CCDC63: variants seen among roughly 807,000 people sequenced by gnomAD.
CCDC63 encodes the protein coiled-coil domain containing 63.
Under a neutral mutation model 63.6 loss-of-function variants are expected in CCDC63, and 54 were observed. That is an observed-to-expected ratio of 0.85 (90% confidence interval 0.68 to 1.07). The LOEUF is 1.07. Among genes scored for constraint, CCDC63 ranks in the 50% least tolerant of loss-of-function variants. The pLI is 0.00. For synonymous variants in CCDC63, 253 were observed against 266.1 expected, an observed-to-expected ratio of 0.95 and a Z score of 0.48; for missense variants, 637 against 689.6, an observed-to-expected ratio of 0.92 and a Z score of 0.86.
At chr12:110,891,651 AAAAAG>A (rs1195067511) in intron 8 of CCDC63, among the ~76,000 whole-genome samples, 27 of 151,312 alleles carry the variant, frequency 1.8e-4, no homozygotes, top group Non-Finnish European at 3.2e-4. Context: ...AAAAAAAAAA[AAAAAG>A]AAGAAGAAGA....
intron 9 of CCDC63, among the ~76,000 whole-genome samples, chr12:110,897,459 G>A (rs541552758): frequency 2.5e-4 from 38 of 151,448 alleles, no homozygotes; most frequent in African/African-American, 8.7e-4. Flanking sequence ...TTAGCTGGGT[G>A]TGGTGTTGCA....
intron 8 of CCDC63, among the ~76,000 whole-genome samples, chr12:110,885,502 A>G (rs1157371859): frequency 1.3e-5 from 2 of 152,104 alleles, no homozygotes; most frequent in African/African-American, 2.4e-5. Flanking sequence ...CCCCTTCAAA[A>G]TTTGGCTTCT....
chr12:110,898,823 C>A, intron 9 of CCDC63, 110 bp from the exon 10 acceptor site: 1 of 657,908 alleles, frequency 1.5e-6, no homozygotes, highest in East Asian at 2.8e-5. Flanking sequence ...TCTCGTGTCC[C>A]CTCAGAGGTT....
chr12:110,900,749 G>T (rs372857010), intron 10 of CCDC63, among the ~76,000 whole-genome samples: 2 of 152,026 alleles, frequency 1.3e-5, no homozygotes, highest in African/African-American at 4.8e-5. Flanking sequence ...ATAGGCACAC[G>T]CCACCACGCC....
At chr12:110,875,967 A>G (rs1379620006) in intron 5 of CCDC63, among the ~76,000 whole-genome samples, 1 of 152,090 alleles carries the variant, frequency 6.6e-6, no homozygotes, top group East Asian at 1.9e-4. Flanking sequence ...TTAGCCAGGC[A>G]TGGTGATGCA....
intron 4 of CCDC63, among the ~76,000 whole-genome samples, 176 bp downstream of exon 4, chr12:110,858,951 C>T (rs2070815558): frequency 6.6e-6 from 1 of 152,134 alleles, no homozygotes; most frequent in Non-Finnish European, 1.5e-5. Context: ...CCTCTGGGCT[C>T]CAGTATCCAG....
chr12:110,873,752 A>C, intron 4 of CCDC63, 90 bp from the exon 5 acceptor site: 1 of 1,516,220 alleles, frequency 6.6e-7, no homozygotes, highest in Non-Finnish European at 8.9e-7. Context: ...TACAGATGCT[A>C]TCTGAGCACA....
At position 110,870,422 on chromosome 12, in the gene CCDC63, T is replaced by C. The variant is rs1450727214; in HGVS notation, c.370-3420T>C. 3.3e-5 allele frequency among the ~76,000 whole-genome samples: 5 copies of C among 152,216 alleles called. No homozygotes were observed. In the East Asian group the frequency reaches 9.6e-4, roughly 29 times the overall value. On this transcript the variant is annotated intron_variant, in intron 4 of 11. Transcript: ENST00000308208. ...ACTAGTGTTTTCCATTCATGTCCTT[T>C]TACTGTCCCAGGATCTAATCCAGGG...
At chr12:110,867,394 G>A (rs1201138552) in intron 4 of CCDC63, among the ~76,000 whole-genome samples, 5 of 124,316 alleles carry the variant, frequency 4.0e-5, no homozygotes, top group South Asian at 2.7e-4. Context: ...CTGGCCGGGC[G>A]GGGGGCTGAC....
upstream of CCDC63, among the ~76,000 whole-genome samples, chr12:110,845,065 A>C (rs576894908): frequency 6.6e-6 from 1 of 152,182 alleles, no homozygotes; most frequent in Non-Finnish European, 1.5e-5. Context: ...GATAAAGCAG[A>C]AGGTCCCTTT....
At chr12:110,877,882 T>G (rs2071151764) in intron 5 of CCDC63, among the ~76,000 whole-genome samples, 1 of 151,822 alleles carries the variant, frequency 6.6e-6, no homozygotes, top group South Asian at 2.1e-4. Flanking sequence ...AATTTTTGTA[T>G]TTTTAGTAGA....
intron 10 of CCDC63, among the ~76,000 whole-genome samples, chr12:110,899,740 A>G (rs1409978193): frequency 6.7e-6 from 1 of 150,374 alleles, no homozygotes; most frequent in East Asian, 1.9e-4. Flanking sequence ...ACCTCATAAG[A>G]CTGTTGGGAG....
In CCDC63 at chr12:110,873,927, A is replaced by G; in HGVS notation, c.455A>G (p.Lys152Arg). 6.2e-7 allele frequency: 1 copy of G among 1,612,802 alleles called. No homozygotes were observed. The highest frequency in any genetic ancestry group is 8.5e-7 in the Non-Finnish European group (1 of 1,179,696). ...GCCAATAACCCCCGGAAACTGCAGA[A>G]ACAGATTCACATTTTGGAAACCCGT... ...QEANNPRKLQ[K>R]QIHILETRLN... Residue 152 changes from lysine to arginine, a missense_variant, in exon 5 of 12, where the codon AAA becomes AGA. Coordinates refer to ENST00000308208, the MANE Select transcript of CCDC63 (RefSeq NM_152591.3).
At chr12:110,867,764 T>C (rs1312580888) in intron 4 of CCDC63, among the ~76,000 whole-genome samples, 88 of 83,132 alleles carry the variant, frequency 1.1e-3, no homozygotes, top group Middle Eastern at 6.2e-3. Context: ...GACCCCCCCA[T>C]CTCCCTCCCG....
intron 4 of CCDC63, among the ~76,000 whole-genome samples, chr12:110,870,959 G>T (rs1224140371): frequency 1.3e-5 from 2 of 152,120 alleles, no homozygotes; most frequent in African/African-American, 2.4e-5. Context: ...GTGATGGGAA[G>T]AAGTCACCTC....
chr12:110,849,433 A>G (rs1199599161), intron 1 of CCDC63, among the ~76,000 whole-genome samples: 19 of 151,384 alleles, frequency 1.3e-4, no homozygotes, highest in Admixed American at 1.2e-3. Context: ...CTGAACCATC[A>G]TGCATGCCTT....
chr12:110,880,830 A>T (rs2071195582), intron 6 of CCDC63, among the ~76,000 whole-genome samples: 1 of 83,928 alleles, frequency 1.2e-5, no homozygotes, highest in Admixed American at 1.3e-4. Flanking sequence ...AGTGATGGTG[A>T]TAATGGTGAT....
At chr12:110,866,967 CCCGGACGGGGCGG>C (rs2070960897) in intron 4 of CCDC63, among the ~76,000 whole-genome samples, 1 of 144,128 alleles carries the variant, frequency 6.9e-6, no homozygotes, top group African/African-American at 2.5e-5. Context: ...CCACCTCCCT[CCCGGACGGGGCGG>C]CTGGCCGGGC....
chr12:110,875,610 A>G (rs914954684), intron 5 of CCDC63, among the ~76,000 whole-genome samples: 2 of 152,074 alleles, frequency 1.3e-5, no homozygotes, highest in African/African-American at 4.8e-5. Context: ...CTTTCTAGGA[A>G]TTGGTCTATT....
Sources: gnomAD v4.1 joint callset for allele counts (sites outside exome capture counted in the v4.1 genomes callset) on GRCh38, gnomAD v4.1.1 for gene constraint, MANE v1.5 for transcripts, NCBI Gene and HGNC (gene_info 2026-07-23, HGNC 2026-07-21) for gene names.